The following S1PR3 variants were observed in gnomAD, a reference collection of about 807,000 sequenced individuals.
S1PR3 encodes sphingosine-1-phosphate receptor 3.
A neutral mutation model predicts 13.3 loss-of-function variants in S1PR3; 12 were observed. The observed-to-expected ratio is 0.90, with a 90% CI of 0.58 to 1.46. S1PR3 has a LOEUF of 1.46. S1PR3 is among the 40% of genes most tolerant of loss of function. The pLI is 0.00. For synonymous variants in S1PR3, 232 were observed against 214.0 expected (o/e 1.08, Z -0.73); for missense variants, 450 against 501.9 (o/e 0.90, Z 0.99).
At chr9:89,000,011 T>A (rs573285218) in intron 1 of S1PR3, 5 of 151,904 alleles carry the variant, frequency 3.3e-5, no homozygotes, top group South Asian at 4.2e-4. Flanking sequence ...CAAAAGAAAA[T>A]TTTTTTTAAT....
Position 89,002,090 on chromosome 9 carries a change from T to C in S1PR3, c.890T>C (p.Ile297Thr). ...AVLNSAMNPVIYTLASKEMRR... is the reference protein window; with the variant it reads ...AVLNSAMNPVTYTLASKEMRR... ...CTCAACTCCGCCATGAACCCGGTCA[T>C]CTACACGCTGGCCAGCAAGGAGATG... The change falls in exon 2 of 2, where the codon ATC becomes ACC. Residue 297 changes from isoleucine (I) to threonine (T), a missense_variant. Ile to Thr is a moderately conservative substitution (Grantham distance 89). Transcript: ENST00000358157. The C allele has an allele frequency of 6.2e-7, 1 of 1,613,792 alleles. No individual in the cohort carries two copies. The highest frequency in any genetic ancestry group is 8.5e-7 in the Non-Finnish European group (1 of 1,179,862).
rs892670820 is a variant in S1PR3 at position 89,003,835 on chromosome 9, G to A, written c.*1498G>A. The A allele has an allele frequency of 6.0e-6, 1 of 166,532 alleles. No homozygotes were observed. The highest frequency in any genetic ancestry group is 2.1e-4 in the South Asian group (1 of 4,830). 10.3% of individuals were successfully genotyped at this position (166,532 alleles called of 1,614,324 possible). On this transcript the variant is annotated 3_prime_UTR_variant, in exon 2 of 2. Transcript: ENST00000358157. ...AACACATTACTAACTTTTTCTAAGAGAAATTGATTCCTGTTTTGTCATCTG... is the reference window on the plus strand; with the variant it reads ...AACACATTACTAACTTTTTCTAAGAAAAATTGATTCCTGTTTTGTCATCTG...
chr9:88,991,593 C>T lies in S1PR3; in HGVS notation c.-250C>T, dbSNP rs1424745469. 8 of 1,543,342 alleles carry T rather than the reference C, an allele frequency of 5.2e-6. No individual in the cohort carries two copies. The highest frequency in any genetic ancestry group is 7.0e-6 in the Non-Finnish European group (8 of 1,144,762). On this transcript the variant is annotated 5_prime_UTR_variant, in exon 1 of 2. Transcript: ENST00000358157. This position sits in a 1 kb window ranked among gnomAD's most constrained non-coding sequence, Gnocchi z 4.0. Reference sequence around the variant, plus strand: ...CGTCGCGAGCGCTGAGACTGCCGGGCCTCCCAGCCCATCTGGCATTCGAGC... The same window carrying T: ...CGTCGCGAGCGCTGAGACTGCCGGGTCTCCCAGCCCATCTGGCATTCGAGC...
chr9:89,001,080 A>G lies in S1PR3; in HGVS notation c.-121A>G, dbSNP rs1026974751. The G allele has an allele frequency of 4.4e-6, 5 of 1,139,670 alleles. No individual in the cohort carries two copies. In the African/African-American group the frequency reaches 7.7e-5, roughly 18 times the overall value. 70.6% of individuals were successfully genotyped at this position (1,139,670 alleles called of 1,614,324 possible). A position where few individuals can be genotyped will look rare whatever the true frequency, so the allele number is the denominator to read the frequency against. On this transcript the variant is annotated 5_prime_UTR_variant, in exon 2 of 2. Coordinates refer to ENST00000358157, the MANE Select transcript of S1PR3 (RefSeq NM_005226.4). ...AGCCCTTTTTCAACGCCCTCGCTGG[A>G]GTCTGGCCTGCACGCCTTGCTGAAT...
intron 1 of S1PR3, chr9:88,996,280 T>C (rs1328902307): frequency 6.6e-6 from 1 of 151,974 alleles, no homozygotes; most frequent in Non-Finnish European, 1.5e-5. Context: ...AACACACCGC[T>C]CACAAATCAA....
upstream of S1PR3, chr9:88,991,089 G>GC (rs1258571169): frequency 6.2e-7 from 1 of 1,613,212 alleles, no homozygotes; most frequent in Non-Finnish European, 8.5e-7. The surrounding 1 kb of genome is among the most constrained non-coding windows in gnomAD (Gnocchi z 4.0). Context: ...ACAGGCGCCC[G>GC]CCCAAGCCCA....
chr9:89,002,853 C>T lies in S1PR3; in HGVS notation c.*516C>T, dbSNP rs962503335. 3 of 178,032 alleles carry T rather than the reference C, an allele frequency of 1.7e-5. No homozygotes were observed. Among genetic ancestry groups the T allele is most frequent in the South Asian group, 3.3e-4 (2 of 6,070 alleles). 11.0% of individuals were successfully genotyped at this position (178,032 alleles called of 1,614,324 possible). On this transcript the variant is annotated 3_prime_UTR_variant, in exon 2 of 2. Coordinates refer to ENST00000358157, the MANE Select transcript of S1PR3 (RefSeq NM_005226.4). ...TTATACAAGTGGATTCAGACTGAAC[C>T]CCCAGTACAAGGACATTGTTTTGAA... is the stretch of plus-strand genomic sequence containing the variant.
At chr9:88,998,124 G>A (rs1825827756) in intron 1 of S1PR3, 1 of 152,200 alleles carries the variant, frequency 6.6e-6, no homozygotes, top group Non-Finnish European at 1.5e-5. Flanking sequence ...CCAGCAAAGT[G>A]AAAATCAGAA....
intron 1 of S1PR3, chr9:88,995,475 G>T (rs1001781100): frequency 6.0e-6 from 1 of 167,002 alleles, no homozygotes; most frequent in Non-Finnish European, 1.5e-5. Context: ...GGAAGTTGGG[G>T]GAAGGTAGGC....
Position 88,991,815 on chromosome 9 carries a change from G to C in S1PR3, c.-148+120G>C. ...GCGACGGGGACTTGGGCGCGCCACG[G>C]CGGCCGGAGCGCTCCACATCAGCAC... On this transcript the variant is annotated intron_variant, in intron 1 of 1. Transcript: ENST00000358157. This position sits in a 1 kb window ranked among gnomAD's most constrained non-coding sequence, Gnocchi z 4.0. The C allele has an allele frequency of 6.2e-7, 1 of 1,608,822 alleles. No individual in the cohort carries two copies. The highest frequency in any genetic ancestry group is 8.5e-7 in the Non-Finnish European group (1 of 1,177,420).
chr9:88,991,454 T>A, upstream of S1PR3: 1 of 1,545,888 alleles, frequency 6.5e-7, no homozygotes, highest in Non-Finnish European at 8.7e-7. The surrounding 1 kb of genome is among the most constrained non-coding windows in gnomAD (Gnocchi z 4.0). Flanking sequence ...GTTTAGTCTC[T>A]GACTCGCTCG....
At chr9:88,990,944 G>T (rs1825681940), upstream of S1PR3, 6 of 1,604,794 alleles carry the variant, frequency 3.7e-6, no homozygotes, top group Non-Finnish European at 4.3e-6. Context: ...GCTGTCCGGC[G>T]CCAGGCGCCC....
At position 89,001,634 on chromosome 9, in the gene S1PR3, C is replaced by T; in HGVS notation, c.434C>T (p.Pro145Leu). The T allele has an allele frequency of 1.2e-6, 2 of 1,614,226 alleles. No homozygotes were observed. Among genetic ancestry groups the T allele is most frequent in the African/African-American group, 2.7e-5 (2 of 75,062 alleles). ...CACTTGACAATGATCAAAATGAGGCCTTACGACGCCAACAAGAGGCACCGC... is the reference window on the plus strand; with the variant it reads ...CACTTGACAATGATCAAAATGAGGCTTTACGACGCCAACAAGAGGCACCGC... ...ERHLTMIKMR[P>L]YDANKRHRVF... Residue 145 changes from proline (P) to leucine (L), a missense_variant, in exon 2 of 2, where the codon CCT becomes CTT. Physicochemically the swap from Pro to Leu is moderately conservative, Grantham distance 98. Coordinates refer to ENST00000358157, the MANE Select transcript of S1PR3 (RefSeq NM_005226.4).
At chr9:88,991,276 G>A (rs1321904782), upstream of S1PR3, 3 of 1,537,174 alleles carry the variant, frequency 2.0e-6, no homozygotes, top group Non-Finnish European at 2.6e-6. The surrounding 1 kb of genome is among the most constrained non-coding windows in gnomAD (Gnocchi z 4.0). Flanking sequence ...GGCTAGGGGC[G>A]GGCGGGGCGC....
Position 89,001,467 on chromosome 9 carries a change from CATCGCTTACA to C in S1PR3, c.269_278del (p.Ile90ArgfsTer5). On this transcript the variant is annotated frameshift_variant, in exon 2 of 2. Transcript: ENST00000358157. LOFTEE classifies it high-confidence loss of function. The stretch of plus-strand genomic sequence containing the variant: ...TGGCTCTCTGCGACCTGCTGGCCGG[CATCGCTTACA>C]AGGTCAACATTCTGATGTCTGGCAA... 1 of 1,614,220 alleles carries C rather than the reference CATCGCTTACA, an allele frequency of 6.2e-7. No individual in the cohort carries two copies. Among genetic ancestry groups the C allele is most frequent in the Non-Finnish European group, 8.5e-7 (1 of 1,180,040 alleles).
In S1PR3 at chr9:89,001,884, G is replaced by A; in HGVS notation, c.684G>A (p.Lys228=). The A allele has an allele frequency of 6.2e-7, 1 of 1,614,234 alleles. No homozygotes were observed. Among genetic ancestry groups the A allele is most frequent in the Non-Finnish European group, 8.5e-7 (1 of 1,180,044 alleles). The change falls in exon 2 of 2, where the codon AAG becomes AAA. Residue 228 remains lysine (K), a synonymous_variant. Coordinates refer to ENST00000358157, the MANE Select transcript of S1PR3 (RefSeq NM_005226.4). The part of the protein sequence containing the change: ...IYFLVKSSSR[K]VANHNNSERS... Reference sequence around the variant, plus strand: ...TCCTGGTGAAGTCCAGCAGCCGTAAGGTGGCCAACCACAACAACTCGGAGC... The same window carrying A: ...TCCTGGTGAAGTCCAGCAGCCGTAAAGTGGCCAACCACAACAACTCGGAGC...
upstream of S1PR3, chr9:88,990,968 A>G (rs1404157600): frequency 1.2e-6 from 2 of 1,611,172 alleles, no homozygotes; most frequent in Admixed American, 3.3e-5. Context: ...TGCAAGCCCA[A>G]GCCGGTGCTC....
rs1182057458 is a variant in S1PR3 at position 89,003,743 on chromosome 9, C to T, written c.*1406C>T. 3 of 166,534 alleles carry T rather than the reference C, an allele frequency of 1.8e-5. No individual in the cohort carries two copies. The highest frequency in any genetic ancestry group is 7.2e-5 in the African/African-American group (3 of 41,454). The allele number at this position is 166,534 out of a possible 1,614,324, so 10.3% of individuals were successfully genotyped here. A position where few individuals can be genotyped will look rare whatever the true frequency, so the allele number is the denominator to read the frequency against. On this transcript the variant is annotated 3_prime_UTR_variant, in exon 2 of 2. Coordinates refer to ENST00000358157, the MANE Select transcript of S1PR3 (RefSeq NM_005226.4). ...ACCAGCGTTCAAAGGAACCTCCCAT[C>T]AGAGTCCCCTAAAGTATTTTAGGTT...
intron 1 of S1PR3, chr9:88,997,471 T>G (rs1444597121): frequency 6.6e-6 from 1 of 152,120 alleles, no homozygotes; most frequent in African/African-American, 2.4e-5. Context: ...AGGACATGTA[T>G]AAAATGGTAG....
Sources: allele counts gnomAD v4.1 joint callset, GRCh38; gene constraint gnomAD v4.1.1; non-coding constraint Gnocchi (gnomAD v3.1); transcripts MANE v1.5; gene names NCBI Gene and HGNC (gene_info 2026-07-23, HGNC 2026-07-21).